Variants in WDR53 observed in about 807,000 individuals in gnomAD.
WDR53 encodes WD repeat-containing protein 53.
A neutral mutation model predicts 21.3 loss-of-function variants in WDR53; 19 were observed. That is an observed-to-expected ratio of 0.89 (90% confidence interval 0.62 to 1.31). WDR53 has a LOEUF of 1.31. WDR53 is among the 50% of genes most tolerant of loss of function. WDR53 has a pLI of 0.00. For synonymous variants in WDR53, 157 were observed against 163.4 expected, an observed-to-expected ratio of 0.96 and a Z score of 0.30; for missense variants, 374 against 423.2, an observed-to-expected ratio of 0.88 and a Z score of 1.02.
intron 3 of WDR53, 93 bp from the exon 4 acceptor site, chr3:196,554,900 T>A: frequency 1.9e-6 from 2 of 1,068,996 alleles, no homozygotes; most frequent in Non-Finnish European, 2.8e-6. Flanking sequence ...ATCGTTAAAG[T>A]AGTCTGAGAA....
At chr3:196,563,251 T>C (rs1735046662) in intron 2 of WDR53, among the ~76,000 whole-genome samples, 1 of 152,128 alleles carries the variant, frequency 6.6e-6, no homozygotes, top group Admixed American at 6.6e-5. Flanking sequence ...AGATTTCTCA[T>C]CCTCTAGGAA....
At chr3:196,564,493 G>A (rs1165750834) in intron 2 of WDR53, among the ~76,000 whole-genome samples, 4 of 148,854 alleles carry the variant, frequency 2.7e-5, no homozygotes, top group Non-Finnish European at 4.4e-5. Flanking sequence ...CTGAGTAGCT[G>A]GAACTACAGG....
rs765736438 is a variant in WDR53, at chr3:196,561,268, AG to A, written c.207del (p.Ser70HisfsTer23). 6.2e-7 allele frequency: 1 copy of A among 1,614,210 alleles called. No homozygotes were observed. Among genetic ancestry groups the A allele is most frequent in the Non-Finnish European group, 8.5e-7 (1 of 1,180,034 alleles). The stretch of plus-strand genomic sequence containing the variant: ...AGTACACTAATGGTTTCTCCATGTG[AG>A]GCATAGAGCTTGGTGGGACAGGAGG... ...FSPSCPTKLY[A>X]SHGETISVLD... On this transcript the variant is annotated frameshift_variant, in exon 3 of 4. Transcript: ENST00000332629. LOFTEE classifies it high-confidence loss of function.
At position 196,554,234 on chromosome 3, in the gene WDR53, C is replaced by T; in HGVS notation, c.1054G>A (p.Val352Ile). Residue 352 changes from valine to isoleucine, a missense_variant, in exon 4 of 4, where the codon GTA (valine) becomes ATA (isoleucine). Physicochemically the swap from Val to Ile is conservative, Grantham distance 29. Transcript: ENST00000332629. ...LVADQTSCIS[V>I]YPLNEF is the part of the protein sequence containing the mutation. ...ATTTAAAATTCATTTAAGGGGTATA[C>T]AGATATACAACTAGTTTGATCAGCT... The T allele has an allele frequency of 1.2e-6, 2 of 1,610,226 alleles. No homozygotes were observed. The highest frequency in any genetic ancestry group is 1.7e-6 in the Non-Finnish European group (2 of 1,177,246).
rs566159359 is a variant in WDR53, at chr3:196,567,188, C to A, written c.-328G>T. ...TTCAAAGAAATTAGTGAGAGACAGTCACCATCACCAGAGTCAGCACAGGTC... is the reference window on the plus strand; with the variant it reads ...TTCAAAGAAATTAGTGAGAGACAGTAACCATCACCAGAGTCAGCACAGGTC... On this transcript the variant is annotated 5_prime_UTR_variant, in exon 2 of 4. Transcript: ENST00000332629. 66 of 457,292 alleles carry A rather than the reference C, an allele frequency of 1.4e-4. No homozygotes were observed. The highest frequency in any genetic ancestry group is 1.2e-3 in the African/African-American group (62 of 50,194). The allele number at this position is 457,292 out of a possible 1,614,324, so 28.3% of individuals were successfully genotyped here.
Position 196,564,047 on chromosome 3 carries a change from A to G in WDR53, c.-16-2556T>C, listed in dbSNP as rs113421918. Among the ~76,000 whole-genome samples, 943 of 152,258 alleles carry G rather than the reference A, an allele frequency of 6.2e-3. 13 individuals carry two copies. The highest frequency in any genetic ancestry group is 0.021 in the African/African-American group (888 of 41,554). On this transcript the variant is annotated intron_variant, in intron 2 of 3. Transcript: ENST00000332629. The stretch of plus-strand genomic sequence containing the variant: ...TGTTTTCAAGCAGAAGCACTCAACT[A>G]ATATACAGAGGAAACTAACTGGAGA...
chr3:196,559,635 T>C (rs954519231), intron 3 of WDR53, among the ~76,000 whole-genome samples: 4 of 152,190 alleles, frequency 2.6e-5, no homozygotes, highest in Admixed American at 1.3e-4. Flanking sequence ...GAAGATACTG[T>C]ATGTAACTGA....
Position 196,561,426 on chromosome 3 carries a change from T to C in WDR53, c.50A>G (p.Asn17Ser), listed in dbSNP as rs1363703280. The stretch of plus-strand genomic sequence containing the variant: ...AGCCAGCAGCCCTTCTTTACTTGCA[T>C]TCAGGCAGAGGACAGGAGAAGAATG... ...GGHSSPVLCL[N>S]ASKEGLLASG... Residue 17 changes from asparagine to serine, a missense_variant, in exon 3 of 4, where the codon AAT (asparagine) becomes AGT (serine). Transcript: ENST00000332629. 3 of 1,614,116 alleles carry C rather than the reference T, an allele frequency of 1.9e-6. No homozygotes were observed. The highest frequency in any genetic ancestry group is 2.7e-5 in the African/African-American group (2 of 75,028).
At chr3:196,560,755 G>A (rs1734754656) in intron 3 of WDR53, among the ~76,000 whole-genome samples, 1 of 152,140 alleles carries the variant, frequency 6.6e-6, no homozygotes, top group African/African-American at 2.4e-5. Context: ...TGCATTTTCA[G>A]GTTTTAGGAG....
chr3:196,558,444 T>C (rs553187500), intron 3 of WDR53, among the ~76,000 whole-genome samples: 15 of 152,090 alleles, frequency 9.9e-5, no homozygotes, highest in Admixed American at 5.2e-4. Context: ...TGGGCTCAAG[T>C]GATCTGCCTG....
In WDR53 at chr3:196,561,283, T is replaced by C; in HGVS notation, c.193A>G (p.Thr65Ala). Residue 65 changes from threonine (T) to alanine (A), a missense_variant, in exon 3 of 4, where the codon ACC becomes GCC. Coordinates refer to ENST00000332629, the MANE Select transcript of WDR53 (RefSeq NM_182627.3). ...TSVLFSPSCP[T>A]KLYASHGETI... ...TCTCCATGTGAGGCATAGAGCTTGGTGGGACAGGAGGGAGAAAATAAGACA... is the reference window on the plus strand; with the variant it reads ...TCTCCATGTGAGGCATAGAGCTTGGCGGGACAGGAGGGAGAAAATAAGACA... 6.2e-7 allele frequency: 1 copy of C among 1,614,200 alleles called. No individual in the cohort carries two copies. Among genetic ancestry groups the C allele is most frequent in the South Asian group, 1.1e-5 (1 of 91,088 alleles).
chr3:196,566,455 C>T (rs1294993631), intron 2 of WDR53, among the ~76,000 whole-genome samples: 1 of 151,198 alleles, frequency 6.6e-6, no homozygotes, highest in Non-Finnish European at 1.5e-5. Context: ...CTCTCGTCGC[C>T]CAGGCTGGAG....
At chr3:196,558,035 C>T (rs1443085927) in intron 3 of WDR53, among the ~76,000 whole-genome samples, 1 of 151,972 alleles carries the variant, frequency 6.6e-6, no homozygotes, top group Non-Finnish European at 1.5e-5. Flanking sequence ...CCATGGCCTC[C>T]CAAAGTTCTG....
At chr3:196,565,820 A>G (rs1017784415) in intron 2 of WDR53, among the ~76,000 whole-genome samples, 6 of 152,204 alleles carry the variant, frequency 3.9e-5, no homozygotes, top group African/African-American at 1.4e-4. Flanking sequence ...GGGTTAAATC[A>G]AAACAATTTT....
chr3:196,558,077 T>C (rs1044819146), intron 3 of WDR53, among the ~76,000 whole-genome samples: 1 of 152,060 alleles, frequency 6.6e-6, no homozygotes, highest in Non-Finnish European at 1.5e-5. Flanking sequence ...GCGCCTGGCC[T>C]AATGTTATCC....
intron 2 of WDR53, 78 bp from the exon 3 acceptor site, chr3:196,561,569 T>C (rs995975938): frequency 2.2e-6 from 3 of 1,356,122 alleles, no homozygotes; most frequent in Non-Finnish European, 2.9e-6. Context: ...TAATAAACAA[T>C]ATTTCATCTT....
chr3:196,564,053 C>A (rs924414535), intron 2 of WDR53, among the ~76,000 whole-genome samples: 4 of 151,918 alleles, frequency 2.6e-5, no homozygotes, highest in Non-Finnish European at 5.9e-5. Flanking sequence ...AACTAATATA[C>A]AGAGGAAACT....
At chr3:196,559,489 G>T (rs184841231) in intron 3 of WDR53, among the ~76,000 whole-genome samples, 2 of 152,280 alleles carry the variant, frequency 1.3e-5, no homozygotes, top group East Asian at 3.9e-4. Context: ...GAGGGGAACA[G>T]CATGGTGACA....
intron 1 of WDR53, among the ~76,000 whole-genome samples, chr3:196,567,537 T>C (rs980465734): frequency 3.9e-5 from 6 of 152,192 alleles, no homozygotes; most frequent in African/African-American, 1.2e-4. Flanking sequence ...AGGGAGTCTG[T>C]GAACCCTATT....
Sources: gnomAD v4.1 joint callset for allele counts (sites outside exome capture counted in the v4.1 genomes callset) on GRCh38, gnomAD v4.1.1 for gene constraint, MANE v1.5 for transcripts, NCBI Gene and HGNC (gene_info 2026-07-23, HGNC 2026-07-21) for gene names.